DYM: variants seen among roughly 807,000 people sequenced by gnomAD.
The protein encoded by DYM is dyggve-Melchior-Clausen syndrome protein.
A neutral mutation model predicts 93.1 loss-of-function variants in DYM; 78 were observed. That is an observed-to-expected ratio of 0.84 (90% CI 0.70 to 1.01). The LOEUF is 1.01. Among genes scored for constraint, DYM ranks in the 50% least tolerant of loss-of-function variants. DYM has a pLI of 0.00. For missense variants in DYM, 789 were observed against 845.0 expected (o/e 0.93, Z 0.82); for synonymous variants, 321 against 319.7 (o/e 1.00, Z -0.04).
rs1056911828 is a variant in DYM at position 49,430,445 on chromosome 18, A to T, written c.-51T>A. On this transcript the variant is annotated splice_region_variant and 5_prime_UTR_variant, in exon 2 of 18. Transcript: ENST00000675505. ...CCTTAAACCTGCATTTCCAAAAGAC[A>T]ACCTATAAAAAATAAAAATAAAAAC... 1 of 1,605,732 alleles carries T rather than the reference A, an allele frequency of 6.2e-7. No homozygotes were observed. The highest frequency in any genetic ancestry group is 1.1e-5 in the South Asian group (1 of 90,616).
chr18:49,354,626 T>C (rs1436613557), intron 6 of DYM, among the ~76,000 whole-genome samples: 1 of 151,898 alleles, frequency 6.6e-6, no homozygotes, highest in African/African-American at 2.4e-5. Context: ...GACCAAAGAC[T>C]AACAGATATA....
intron 8 of DYM, among the ~76,000 whole-genome samples, chr18:49,320,156 T>C (rs1391115741): frequency 6.6e-6 from 1 of 152,210 alleles, no homozygotes; most frequent in Admixed American, 6.5e-5. Context: ...CTGTCTTACC[T>C]AGCACTTCTG....
intron 11 of DYM, among the ~76,000 whole-genome samples, chr18:49,270,911 T>C (rs778667855): frequency 1.2e-4 from 19 of 152,120 alleles, no homozygotes; most frequent in Non-Finnish European, 1.6e-4. Flanking sequence ...CCCTGCCCCC[T>C]TCTCCTATAG....
intron 1 of DYM, among the ~76,000 whole-genome samples, chr18:49,457,000 G>C (rs1386278420): frequency 6.6e-6 from 1 of 152,186 alleles, no homozygotes; most frequent in African/African-American, 2.4e-5. Context: ...AGGACTCCCA[G>C]AAATCCTTTC....
rs192645611 is a variant in DYM, at chr18:49,286,750, C to T, written c.764-134G>A. On this transcript the variant is annotated intron_variant, in intron 8 of 17. Coordinates refer to ENST00000675505, the MANE Select transcript of DYM (RefSeq NM_001353214.3). ...GTGTAGAACAAGAATCATGTCTATA[C>T]ATTTCACAAGGCCAGAAAATCCTTG... The T allele has an allele frequency of 3.2e-5, 28 of 873,448 alleles. No homozygotes were observed. The African/African-American group carries it at 4.2e-4, about 13-fold the overall frequency. 54.1% of individuals were successfully genotyped at this position (873,448 alleles called of 1,614,324 possible).
intron 2 of DYM, among the ~76,000 whole-genome samples, chr18:49,425,598 T>C (rs1188111868): frequency 1.3e-5 from 2 of 151,976 alleles, no homozygotes; most frequent in Non-Finnish European, 2.9e-5. Context: ...ACCATCAGAG[T>C]GAACAGGCAA....
rs539194181 is a variant in DYM, at chr18:49,170,444, C to T, written c.1626-6657G>A. 7.2e-5 allele frequency among the ~76,000 whole-genome samples: 11 copies of T among 152,118 alleles called. No individual in the cohort carries two copies. In the East Asian group the frequency reaches 2.1e-3, roughly 29 times the overall value. On this transcript the variant is annotated intron_variant, in intron 14 of 17. Coordinates refer to ENST00000675505, the MANE Select transcript of DYM (RefSeq NM_001353214.3). Reference sequence around the variant, plus strand: ...AGGCTATTTGCATCAGCTGCAATCACAAAAGTGGAGGTGATCACCCAAGGA... The same window carrying T: ...AGGCTATTTGCATCAGCTGCAATCATAAAAGTGGAGGTGATCACCCAAGGA...
At chr18:49,360,137 C>T (rs1369514166) in intron 6 of DYM, among the ~76,000 whole-genome samples, 2 of 151,986 alleles carry the variant, frequency 1.3e-5, no homozygotes, top group African/African-American at 4.8e-5. Flanking sequence ...ACACAATCGG[C>T]TTGCTCCTCA....
At chr18:49,438,282 T>C (rs902528136) in intron 1 of DYM, among the ~76,000 whole-genome samples, 3 of 152,058 alleles carry the variant, frequency 2.0e-5, no homozygotes, top group African/African-American at 7.2e-5. Flanking sequence ...AACAGAATGT[T>C]AACAAAAAAA....
At chr18:49,308,795 G>C (rs980727193) in intron 8 of DYM, among the ~76,000 whole-genome samples, 1 of 152,100 alleles carries the variant, frequency 6.6e-6, no homozygotes, top group African/African-American at 2.4e-5. Flanking sequence ...GCAACTATGG[G>C]TCCAATGGCT....
chr18:49,263,994 T>C (rs2094530751), intron 11 of DYM, among the ~76,000 whole-genome samples: 2 of 152,052 alleles, frequency 1.3e-5, no homozygotes, highest in African/African-American at 4.8e-5. Context: ...CTAGATTTAT[T>C]AAATGTTAGT....
chr18:49,092,308 T>C (rs1007486348), intron 17 of DYM, among the ~76,000 whole-genome samples: 1 of 152,242 alleles, frequency 6.6e-6, no homozygotes, highest in Non-Finnish European at 1.5e-5. Flanking sequence ...CCATCTGGAT[T>C]TCTCTTTCAT....
chr18:49,441,245 AATATTGT>A (rs2081526368), intron 1 of DYM, among the ~76,000 whole-genome samples: 8 of 37,690 alleles, frequency 2.1e-4, no homozygotes, highest in African/African-American at 7.8e-4. Flanking sequence ...TAATATACAT[AATATTGT>A]TATATATAAT....
At chr18:49,428,905 T>C (rs547236857) in intron 2 of DYM, among the ~76,000 whole-genome samples, 12 of 152,330 alleles carry the variant, frequency 7.9e-5, no homozygotes, top group African/African-American at 2.6e-4. Context: ...ATTTTTCTAT[T>C]GCTACTACAA....
intron 17 of DYM, among the ~76,000 whole-genome samples, chr18:49,046,616 T>C (rs999690149): frequency 6.6e-6 from 1 of 152,138 alleles, no homozygotes; most frequent in Non-Finnish European, 1.5e-5. Flanking sequence ...TAAAAGCATC[T>C]GGACCAGGTA....
At chr18:49,362,236 A>G (rs1303401215) in intron 6 of DYM, among the ~76,000 whole-genome samples, 2 of 152,060 alleles carry the variant, frequency 1.3e-5, no homozygotes, top group Admixed American at 6.5e-5. Context: ...GGTGGCTCAC[A>G]CCTGTAATCC....
intron 14 of DYM, among the ~76,000 whole-genome samples, chr18:49,171,264 T>A (rs1198137465): frequency 6.6e-6 from 1 of 152,134 alleles, no homozygotes; most frequent in Non-Finnish European, 1.5e-5. Context: ...GGTCACTTAC[T>A]GGGAGGGGGT....
chr18:49,410,204 T>C (rs2072062949), intron 2 of DYM, among the ~76,000 whole-genome samples: 1 of 152,116 alleles, frequency 6.6e-6, no homozygotes, highest in Admixed American at 6.6e-5. Context: ...TAGCCAAGAC[T>C]ACAGGTGTGT....
intron 1 of DYM, among the ~76,000 whole-genome samples, chr18:49,433,603 G>T (rs537517099): frequency 1.3e-5 from 2 of 152,106 alleles, no homozygotes; most frequent in Non-Finnish European, 2.9e-5. Context: ...GTAGGGCCAG[G>T]TGTGGTATTA....
Sources: gnomAD v4.1 joint callset for allele counts (sites outside exome capture counted in the v4.1 genomes callset) on GRCh38, gnomAD v4.1.1 for gene constraint, MANE v1.5 for transcripts, NCBI Gene and HGNC (gene_info 2026-07-23, HGNC 2026-07-21) for gene names.